Variants in SGCZ observed in about 807,000 individuals in gnomAD.
The protein encoded by SGCZ is zeta-sarcoglycan.
SGCZ carries 40 observed loss-of-function variants against 41.3 expected under a neutral mutation model. The ratio of observed to expected loss-of-function variants is 0.97; its 90% CI spans 0.75 to 1.26. SGCZ has a LOEUF of 1.26. SGCZ is among the 50% of genes most tolerant of loss of function. The pLI, the probability that SGCZ is intolerant of heterozygous loss-of-function variation, is 0.00. For missense variants in SGCZ, 552 were observed against 369.8 expected (o/e 1.49, Z -4.04); for synonymous variants, 206 against 137.5 (o/e 1.50, Z -3.49).
chr8:14,235,703 G>C (rs577695000), intron 4 of SGCZ, among the ~76,000 whole-genome samples: 1 of 152,140 alleles, frequency 6.6e-6, no homozygotes, highest in Admixed American at 6.5e-5. Flanking sequence ...ACGTTTTTTT[G>C]AGACAGAGTC....
chr8:14,448,158 C>T (rs561708973), intron 2 of SGCZ, among the ~76,000 whole-genome samples: 2 of 152,258 alleles, frequency 1.3e-5, no homozygotes, highest in Admixed American at 1.3e-4. Flanking sequence ...CACAAGAAAG[C>T]ACAAGACTCT....
At chr8:14,453,321 T>A (rs1800651507) in intron 2 of SGCZ, among the ~76,000 whole-genome samples, 1 of 152,278 alleles carries the variant, frequency 6.6e-6, no homozygotes, top group African/African-American at 2.4e-5. Flanking sequence ...TTAAAGTCAA[T>A]AATTTCTTTT....
chr8:14,924,064 T>A (rs1476277260), intron 1 of SGCZ, among the ~76,000 whole-genome samples: 3 of 152,188 alleles, frequency 2.0e-5, no homozygotes, highest in Non-Finnish European at 4.4e-5. Context: ...AGTTTCATGG[T>A]TGTGATGAAG....
intron 1 of SGCZ, among the ~76,000 whole-genome samples, chr8:14,664,788 C>T (rs577940661): frequency 4.3e-4 from 66 of 152,216 alleles, no homozygotes; most frequent in Non-Finnish European, 5.9e-4. Context: ...AACATTACTA[C>T]AGTGAATGGT....
intron 3 of SGCZ, among the ~76,000 whole-genome samples, chr8:14,248,323 T>G (rs1799176198): frequency 6.6e-6 from 1 of 152,210 alleles, no homozygotes; most frequent in Admixed American, 6.5e-5. Context: ...ACCATGATCT[T>G]AATTTATTAA....
chr8:14,745,015 A>G (rs1799302445), intron 1 of SGCZ, among the ~76,000 whole-genome samples: 1 of 152,208 alleles, frequency 6.6e-6, no homozygotes, highest in Admixed American at 6.5e-5. Flanking sequence ...GCTCTCCAAT[A>G]ACAATTTCAA....
chr8:14,693,566 C>A (rs1808867534), intron 1 of SGCZ, among the ~76,000 whole-genome samples: 1 of 140,234 alleles, frequency 7.1e-6, no homozygotes, highest in Non-Finnish European at 1.5e-5. Context: ...TTACAGGCGT[C>A]AGCTACCACG....
chr8:14,211,551 C>T (rs1033343476), intron 4 of SGCZ, among the ~76,000 whole-genome samples: 7 of 152,064 alleles, frequency 4.6e-5, no homozygotes, highest in African/African-American at 1.7e-4. Context: ...ACTCACAGTT[C>T]CCCAGGCTTA....
In SGCZ at chr8:15,142,567, T is replaced by C. The variant is rs187279692; in HGVS notation, c.39+95018A>G. On this transcript the variant is annotated intron_variant, in intron 1 of 7. Coordinates refer to ENST00000382080, the MANE Select transcript of SGCZ (RefSeq NM_139167.4). ...CACTACTAACCCTGGGCAAGAGACA[T>C]CATGTAAATCACCCCCCAATTACCA... Among the ~76,000 whole-genome samples, 7 of 152,060 alleles carry C rather than the reference T, an allele frequency of 4.6e-5. No homozygotes were observed. The East Asian group carries it at 1.2e-3, about 25-fold the overall frequency.
At chr8:14,841,153 A>G (rs942085458) in intron 1 of SGCZ, among the ~76,000 whole-genome samples, 9 of 152,146 alleles carry the variant, frequency 5.9e-5, no homozygotes, top group African/African-American at 2.2e-4. Context: ...TTTAAGTTTA[A>G]ATGCTGCATG....
At chr8:14,319,760 A>T (rs1801855880) in intron 3 of SGCZ, among the ~76,000 whole-genome samples, 1 of 151,996 alleles carries the variant, frequency 6.6e-6, no homozygotes, top group Admixed American at 6.6e-5. Context: ...TATAATTATC[A>T]ACAAACTGGA....
In SGCZ at chr8:15,085,337, G is replaced by A. The variant is rs116015755; in HGVS notation, c.39+152248C>T. 3.5e-3 allele frequency among the ~76,000 whole-genome samples: 531 copies of A among 152,252 alleles called. 1 individual carries two copies. The highest frequency in any genetic ancestry group is 0.012 in the African/African-American group (517 of 41,538). On this transcript the variant is annotated intron_variant, in intron 1 of 7. Transcript: ENST00000382080. ...GTAAATTACCTTTGACTTACAGAAAGGGGCAATGATCAGTAAAGGTGATCA... is the reference window on the plus strand; with the variant it reads ...GTAAATTACCTTTGACTTACAGAAAAGGGCAATGATCAGTAAAGGTGATCA...
chr8:14,485,597 G>T (rs868109300), intron 2 of SGCZ, among the ~76,000 whole-genome samples: 3 of 152,112 alleles, frequency 2.0e-5, no homozygotes, highest in Non-Finnish European at 4.4e-5. Context: ...GATGGGTCCT[G>T]TGCTTCCAGA....
intron 1 of SGCZ, among the ~76,000 whole-genome samples, chr8:14,946,003 C>T (rs1376035091): frequency 1.9e-5 from 1 of 51,722 alleles, no homozygotes; most frequent in Non-Finnish European, 3.3e-5. Context: ...ACTAAATGTC[C>T]CCATATATAT....
At chr8:15,223,469 C>T (rs967027146) in intron 1 of SGCZ, among the ~76,000 whole-genome samples, 1 of 152,178 alleles carries the variant, frequency 6.6e-6, no homozygotes, top group African/African-American at 2.4e-5. Context: ...TGTAGTAAAT[C>T]ACTAGTCCCA....
rs546655544 is a variant in SGCZ, at chr8:14,226,788, T to C, written c.424+10804A>G. ...GATAGGAACAGGGAAACTGTGTTTT[T>C]AGAAAGGTGTAATGTTTTGCATTCC... On this transcript the variant is annotated intron_variant, in intron 4 of 7. Coordinates refer to ENST00000382080, the MANE Select transcript of SGCZ (RefSeq NM_139167.4). 1.4e-4 allele frequency among the ~76,000 whole-genome samples: 22 copies of C among 152,244 alleles called. 1 individual carries two copies. The South Asian group carries it at 4.6e-3, about 32-fold the overall frequency.
At chr8:14,747,162 A>G (rs1403384417) in intron 1 of SGCZ, among the ~76,000 whole-genome samples, 2 of 152,194 alleles carry the variant, frequency 1.3e-5, no homozygotes, top group African/African-American at 4.8e-5. Context: ...TCCACTTGGG[A>G]GCCACTCATT....
chr8:14,325,745 CACATATATATATATATATATATATATAT>C (rs1181340665), intron 2 of SGCZ, among the ~76,000 whole-genome samples: 14 of 25,490 alleles, frequency 5.5e-4, no homozygotes, highest in East Asian at 2.9e-3. Flanking sequence ...CACACACACA[CACATATATATATATATATATATATATAT>C]ATATATATAT....
intron 2 of SGCZ, among the ~76,000 whole-genome samples, chr8:14,469,580 T>C (rs1801151317): frequency 6.6e-6 from 1 of 152,034 alleles, no homozygotes; most frequent in Non-Finnish European, 1.5e-5. Flanking sequence ...GGTGTCTCTT[T>C]GTACGCTACT....
Sources: allele counts gnomAD v4.1 joint callset (sites outside exome capture counted in the v4.1 genomes callset), GRCh38; gene constraint gnomAD v4.1.1; transcripts MANE v1.5; gene names NCBI Gene and HGNC (gene_info 2026-07-23, HGNC 2026-07-21).